Variants in CRPPA observed in about 807,000 individuals in gnomAD.
CRPPA encodes CDP-L-ribitol pyrophosphorylase A.
In CRPPA, 43 loss-of-function variants were observed where a neutral mutation model predicts 52.0. The observed-to-expected ratio is 0.83, with a 90% CI of 0.65 to 1.07. The LOEUF (loss-of-function observed/expected upper bound fraction) is 1.07, where lower values mean the gene tolerates loss of function less well. Ranked by LOEUF, CRPPA falls within the 50% of genes least tolerant of loss-of-function variation. CRPPA has a pLI of 0.00. For missense variants in CRPPA, 629 were observed against 551.7 expected (o/e 1.14, Z -1.40); for synonymous variants, 250 against 203.5 (o/e 1.23, Z -1.94).
Position 16,089,501 on chromosome 7 carries a change from A to G in CRPPA, c.*2194T>C, listed in dbSNP as rs940876411. 18 of 261,046 alleles carry G rather than the reference A, an allele frequency of 6.9e-5. No homozygotes were observed. The highest frequency in any genetic ancestry group is 4.7e-4 in the African/African-American group (17 of 36,352). The allele number at this position is 261,046 out of a possible 1,614,324, so 16.2% of individuals were successfully genotyped here. On this transcript the variant is annotated 3_prime_UTR_variant, in exon 10 of 10. Coordinates refer to ENST00000407010, the MANE Select transcript of CRPPA (RefSeq NM_001101426.4). ...CATATATACGGGTATATATGTACGT[A>G]CATACATAGATATGGGTATATATGT...
intron 2 of CRPPA, among the ~76,000 whole-genome samples, chr7:16,382,025 C>T (rs951752983): frequency 1.3e-5 from 2 of 151,610 alleles, no homozygotes; most frequent in African/African-American, 4.9e-5. Flanking sequence ...TGAATTTGAT[C>T]CTGTCATGAT....
At chr7:16,147,916 C>G (rs1783004839) in intron 9 of CRPPA, among the ~76,000 whole-genome samples, 3 of 151,994 alleles carry the variant, frequency 2.0e-5, no homozygotes, top group African/African-American at 7.2e-5. Flanking sequence ...TGGTTCCTAC[C>G]CTCATTCTTA....
intron 3 of CRPPA, among the ~76,000 whole-genome samples, chr7:16,355,743 G>C (rs1318781600): frequency 6.6e-6 from 1 of 152,184 alleles, no homozygotes; most frequent in Non-Finnish European, 1.5e-5. Flanking sequence ...AACACTGACT[G>C]ATAGAACAGG....
intron 3 of CRPPA, among the ~76,000 whole-genome samples, chr7:16,339,402 A>G (rs1785766828): frequency 6.6e-6 from 1 of 152,200 alleles, no homozygotes; most frequent in African/African-American, 2.4e-5. Context: ...TCAAAAATCC[A>G]TCAGTGTAAC....
intron 9 of CRPPA, among the ~76,000 whole-genome samples, chr7:16,212,130 G>A (rs1012029369): frequency 3.9e-5 from 6 of 151,922 alleles, no homozygotes; most frequent in East Asian, 1.9e-4. Flanking sequence ...ATCTGCAGTC[G>A]TAGGAACAAA....
At chr7:16,331,425 C>A (rs1785550922) in intron 3 of CRPPA, among the ~76,000 whole-genome samples, 1 of 152,210 alleles carries the variant, frequency 6.6e-6, no homozygotes, top group South Asian at 2.1e-4. Context: ...ATCCTTCTAC[C>A]CAATACACTA....
At chr7:16,092,981 T>C (rs887079631) in intron 9 of CRPPA, among the ~76,000 whole-genome samples, 3 of 152,176 alleles carry the variant, frequency 2.0e-5, no homozygotes, top group Non-Finnish European at 4.4e-5. Context: ...CTGACCCTAA[T>C]TACTCTTCAT....
intron 3 of CRPPA, among the ~76,000 whole-genome samples, chr7:16,342,208 G>A (rs1785864615): frequency 6.6e-6 from 1 of 152,150 alleles, no homozygotes; most frequent in Non-Finnish European, 1.5e-5. Flanking sequence ...ATAAATGAAG[G>A]TGTATGCTTC....
At chr7:16,395,679 G>C (rs1470717560) in intron 2 of CRPPA, among the ~76,000 whole-genome samples, 2 of 152,168 alleles carry the variant, frequency 1.3e-5, no homozygotes, top group South Asian at 2.1e-4. Flanking sequence ...AAAAGGAATA[G>C]AGAGGCCTTC....
At chr7:16,260,197 A>C (rs1271723381) in intron 6 of CRPPA, among the ~76,000 whole-genome samples, 1 of 152,050 alleles carries the variant, frequency 6.6e-6, no homozygotes, top group Non-Finnish European at 1.5e-5. Flanking sequence ...CAAAGGCATT[A>C]ACAGCTAACT....
At chr7:16,396,834 A>C (rs1383486432) in intron 2 of CRPPA, among the ~76,000 whole-genome samples, 1 of 152,258 alleles carries the variant, frequency 6.6e-6, no homozygotes, top group Non-Finnish European at 1.5e-5. Context: ...GGAATACGCT[A>C]TACGTATGTG....
intron 5 of CRPPA, among the ~76,000 whole-genome samples, chr7:16,284,307 C>A (rs1057252287): frequency 6.6e-6 from 1 of 151,866 alleles, no homozygotes; most frequent in African/African-American, 2.4e-5. Flanking sequence ...TAAAAATAGA[C>A]ATATATAAGG....
intron 8 of CRPPA, among the ~76,000 whole-genome samples, chr7:16,222,052 T>C (rs1328500748): frequency 6.7e-6 from 1 of 149,648 alleles, no homozygotes; most frequent in East Asian, 1.9e-4. Flanking sequence ...AACCCAAATG[T>C]CCAACAATGA....
rs114397980 is a variant in CRPPA, at chr7:16,391,280, C to A, written c.534+14781G>T. Among the ~76,000 whole-genome samples the A allele has an allele frequency of 3.2e-3, 494 of 152,156 alleles. 3 individuals are homozygous for A. The highest frequency in any genetic ancestry group is 0.011 in the African/African-American group (469 of 41,520). On this transcript the variant is annotated intron_variant, in intron 2 of 9. Transcript: ENST00000407010. Reference sequence around the variant, plus strand: ...AAATCTTGAATGCTGTCCTTGATTTCTCCCCCACTCTTATAATTCAGCCCA... The same window carrying A: ...AAATCTTGAATGCTGTCCTTGATTTATCCCCCACTCTTATAATTCAGCCCA...
chr7:16,097,172 A>G (rs1781952997), intron 9 of CRPPA, among the ~76,000 whole-genome samples: 1 of 152,124 alleles, frequency 6.6e-6, no homozygotes, highest in Non-Finnish European at 1.5e-5. Context: ...AAAGGCCCCT[A>G]AAGGAATCAT....
intron 9 of CRPPA, among the ~76,000 whole-genome samples, chr7:16,207,440 A>G (rs1320010491): frequency 2.6e-5 from 4 of 152,290 alleles, no homozygotes; most frequent in East Asian, 1.9e-4. Flanking sequence ...CATGAACGTG[A>G]TGCTCTCCAA....
chr7:16,096,735 T>C (rs1205632080), intron 9 of CRPPA, among the ~76,000 whole-genome samples: 1 of 152,116 alleles, frequency 6.6e-6, no homozygotes, highest in African/African-American at 2.4e-5. Flanking sequence ...GTGTGAACTA[T>C]TACAGCCAGC....
At chr7:16,412,881 A>G (rs1220508017) in intron 1 of CRPPA, among the ~76,000 whole-genome samples, 11 of 152,230 alleles carry the variant, frequency 7.2e-5, no homozygotes, top group Admixed American at 7.2e-4. Flanking sequence ...TAATAACTCA[A>G]AAGTTATTTT....
intron 9 of CRPPA, among the ~76,000 whole-genome samples, chr7:16,107,526 A>G (rs1294254266): frequency 6.6e-6 from 1 of 152,190 alleles, no homozygotes; most frequent in Non-Finnish European, 1.5e-5. Context: ...CAGCAAAGCT[A>G]TATTTCAGAA....
Sources: gnomAD v4.1 joint callset for allele counts (sites outside exome capture counted in the v4.1 genomes callset) on GRCh38, gnomAD v4.1.1 for gene constraint, MANE v1.5 for transcripts, NCBI Gene and HGNC (gene_info 2026-07-23, HGNC 2026-07-21) for gene names.